Variants in MARK3 observed in about 807,000 individuals in gnomAD.
MARK3 encodes the protein microtubule affinity regulating kinase 3, also known as MAP/microtubule affinity-regulating kinase 3.
MARK3 carries 46 observed loss-of-function variants against 90.1 expected under a neutral mutation model. The observed-to-expected ratio is 0.51, with a 90% CI of 0.40 to 0.65. The LOEUF is 0.65. Among genes scored for constraint, MARK3 ranks in the 30% least tolerant of loss-of-function variants. MARK3 has a pLI of 0.00. For missense variants in MARK3, 818 were observed against 947.2 expected, an observed-to-expected ratio of 0.86 and a Z score of 1.79; for synonymous variants, 321 against 332.6, an observed-to-expected ratio of 0.97 and a Z score of 0.38.
At position 103,411,716 on chromosome 14, in the gene MARK3, G is replaced by A. The variant is rs531243012; in HGVS notation, c.243+6449G>A. 9.2e-5 allele frequency among the ~76,000 whole-genome samples: 14 copies of A among 152,000 alleles called. No individual in the cohort carries two copies. The South Asian group carries it at 1.0e-3, about 11-fold the overall frequency. ...CGGCTAACTGCAACCTCCACCTCCCGGGTTTAAGCAATTCGCCTGCCTCAG... is the reference window on the plus strand; with the variant it reads ...CGGCTAACTGCAACCTCCACCTCCCAGGTTTAAGCAATTCGCCTGCCTCAG... On this transcript the variant is annotated intron_variant, in intron 2 of 17. Transcript: ENST00000429436.
chr14:103,475,264 T>A, intron 13 of MARK3, 54 bp downstream of exon 13: 1 of 1,474,550 alleles, frequency 6.8e-7, no homozygotes, highest in Non-Finnish European at 9.5e-7. Context: ...TGGAACCAGC[T>A]AGACACCAGG....
intron 4 of MARK3, among the ~76,000 whole-genome samples, chr14:103,449,544 T>A (rs895691152): frequency 6.6e-6 from 1 of 152,218 alleles, no homozygotes; most frequent in African/African-American, 2.4e-5. Context: ...ACTTGCTATC[T>A]AATGGAATTG....
At chr14:103,458,275 A>G (rs1038404499) in intron 6 of MARK3, among the ~76,000 whole-genome samples, 6 of 152,106 alleles carry the variant, frequency 3.9e-5, no homozygotes, top group Non-Finnish European at 5.9e-5. Flanking sequence ...CCTGGTCAAC[A>G]TGGTGAAAAC....
chr14:103,424,078 C>T (rs544995638), intron 2 of MARK3, among the ~76,000 whole-genome samples: 165 of 152,168 alleles, frequency 1.1e-3, no homozygotes, highest in African/African-American at 3.8e-3. Flanking sequence ...TGTGGTGGCA[C>T]GTGCCTGTAA....
Position 103,488,054 on chromosome 14 carries a change from A to T in MARK3, c.1587-3723A>T, listed in dbSNP as rs535354781. The stretch of plus-strand genomic sequence containing the variant: ...AGTGAGACTCCGTCTCAAAAAAAAA[A>T]AAATAAATAACATTTGTGTGCATTC... On this transcript the variant is annotated intron_variant, in intron 14 of 17. Coordinates refer to ENST00000429436, the MANE Select transcript of MARK3 (RefSeq NM_001128918.3). Among the ~76,000 whole-genome samples, 721 of 152,262 alleles carry T rather than the reference A, an allele frequency of 4.7e-3. 2 individuals carry two copies. Among genetic ancestry groups the T allele is most frequent in the African/African-American group, 0.014 (568 of 41,548 alleles).
At chr14:103,472,694 C>T (rs1205481960) in intron 12 of MARK3, among the ~76,000 whole-genome samples, 1 of 149,988 alleles carries the variant, frequency 6.7e-6, no homozygotes. Context: ...CACATCCATA[C>T]CATGGACTAC....
chr14:103,460,073 C>CTTCTTTT (rs2093365112), intron 6 of MARK3, among the ~76,000 whole-genome samples: 1 of 41,704 alleles, frequency 2.4e-5, no homozygotes, highest in African/African-American at 1.0e-4. Context: ...CCAGCTCCAT[C>CTTCTTTT]TTTTTTTTTT....
At chr14:103,484,198 G>A (rs1044190732) in intron 14 of MARK3, among the ~76,000 whole-genome samples, 10 of 146,346 alleles carry the variant, frequency 6.8e-5, no homozygotes, top group East Asian at 5.9e-4. Flanking sequence ...TTTTTTCTGC[G>A]ATGGAGTCTC....
intron 1 of MARK3, among the ~76,000 whole-genome samples, chr14:103,403,929 A>G (rs2091119027): frequency 6.6e-6 from 1 of 152,228 alleles, no homozygotes; most frequent in Non-Finnish European, 1.5e-5. Flanking sequence ...AAAAACAGAA[A>G]TTGTTGTTGA....
intron 2 of MARK3, among the ~76,000 whole-genome samples, chr14:103,424,929 C>CATTT (rs904602791): frequency 1.2e-4 from 19 of 152,044 alleles, no homozygotes; most frequent in African/African-American, 3.6e-4. Flanking sequence ...ATCAACTCAG[C>CATTT]ATTTATTTAT....
At chr14:103,494,456 A>C (rs1447953157) in intron 15 of MARK3, among the ~76,000 whole-genome samples, 2 of 150,246 alleles carry the variant, frequency 1.3e-5, no homozygotes, top group Non-Finnish European at 3.0e-5. Flanking sequence ...AGGCAGGAGA[A>C]TCACTTGAAC....
At chr14:103,476,970 C>T (rs1038119975) in intron 13 of MARK3, among the ~76,000 whole-genome samples, 2 of 152,180 alleles carry the variant, frequency 1.3e-5, no homozygotes, top group Non-Finnish European at 2.9e-5. Flanking sequence ...TTATTCCCTG[C>T]CTTCATGACT....
intron 15 of MARK3, among the ~76,000 whole-genome samples, chr14:103,494,794 G>A (rs887985403): frequency 5.9e-5 from 9 of 151,832 alleles, no homozygotes; most frequent in South Asian, 2.1e-4. Context: ...CCACCATCGC[G>A]CCTGGCTAAT....
intron 14 of MARK3, among the ~76,000 whole-genome samples, chr14:103,486,701 G>A (rs967321834): frequency 2.0e-5 from 3 of 152,136 alleles, no homozygotes; most frequent in Non-Finnish European, 4.4e-5. Context: ...GTTGTAAATA[G>A]GATTTTTGTG....
intron 2 of MARK3, among the ~76,000 whole-genome samples, chr14:103,420,903 T>C (rs964047904): frequency 6.6e-6 from 1 of 152,066 alleles, no homozygotes; most frequent in African/African-American, 2.4e-5. Flanking sequence ...TTTAATGCCT[T>C]TTTTTTCATT....
At chr14:103,401,057 CATAATT>C (rs1347198525) in intron 1 of MARK3, among the ~76,000 whole-genome samples, 1 of 150,302 alleles carries the variant, frequency 6.7e-6, no homozygotes, top group African/African-American at 2.5e-5. Context: ...TACAAGAACT[CATAATT>C]ATTTGTTTAA....
At chr14:103,496,683 G>T (rs983241176) in intron 15 of MARK3, among the ~76,000 whole-genome samples, 1 of 151,454 alleles carries the variant, frequency 6.6e-6, no homozygotes, top group African/African-American at 2.4e-5. Context: ...AAAGTGCTGG[G>T]ATTACAGGCA....
At chr14:103,474,574 G>T (rs11628969) in intron 12 of MARK3, among the ~76,000 whole-genome samples, 2 of 151,784 alleles carry the variant, frequency 1.3e-5, no homozygotes, top group South Asian at 4.2e-4. Flanking sequence ...AAAAGAAGTG[G>T]CCCATAAAAT....
chr14:103,470,298 G>A (rs1252813351), intron 12 of MARK3, among the ~76,000 whole-genome samples: 1 of 151,916 alleles, frequency 6.6e-6, no homozygotes, highest in African/African-American at 2.4e-5. Flanking sequence ...CTCCCAGTGG[G>A]TAGGCTTACC....
Sources: allele counts gnomAD v4.1 joint callset (sites outside exome capture counted in the v4.1 genomes callset), GRCh38; gene constraint gnomAD v4.1.1; transcripts MANE v1.5; gene names NCBI Gene and HGNC (gene_info 2026-07-23, HGNC 2026-07-21).